BIRC6: variants seen among roughly 807,000 people sequenced by gnomAD.
The protein encoded by BIRC6 is dual E2 ubiquitin-conjugating enzyme/E3 ubiquitin-protein ligase BIRC6.
BIRC6 carries 98 observed loss-of-function variants against 503.3 expected under a neutral mutation model. The observed-to-expected ratio is 0.19, with a 90% CI of 0.17 to 0.23. The LOEUF is 0.23. Among genes scored for constraint, BIRC6 ranks in the 10% least tolerant of loss-of-function variants. The pLI is 1.00. For synonymous variants in BIRC6, 2,240 were observed against 2,078.7 expected (o/e 1.08, Z -2.11); for missense variants, 5,360 against 5,806.0 (o/e 0.92, Z 2.50).
At chr2:32,517,756 G>A (rs936865699) in intron 55 of BIRC6, among the ~76,000 whole-genome samples, 5 of 45,342 alleles carry the variant, frequency 1.1e-4, no homozygotes, top group Admixed American at 8.9e-4. Context: ...TTTTGGTTGG[G>A]GGAGTGGGTA....
intron 19 of BIRC6, 86 bp downstream of exon 19, chr2:32,442,541 C>A: frequency 1.5e-6 from 2 of 1,344,500 alleles, no homozygotes; most frequent in Non-Finnish European, 2.0e-6. Flanking sequence ...GTGATTTGAT[C>A]CTTGTTTAAT....
intron 65 of BIRC6, among the ~76,000 whole-genome samples, chr2:32,560,137 C>A (rs958224322): frequency 6.6e-6 from 1 of 152,230 alleles, no homozygotes; most frequent in African/African-American, 2.4e-5. Context: ...AGCATACTTA[C>A]GTAACTAATG....
chr2:32,434,456 G>A (rs917696698), intron 13 of BIRC6, among the ~76,000 whole-genome samples: 15 of 151,980 alleles, frequency 9.9e-5, no homozygotes, highest in Admixed American at 9.8e-4. Flanking sequence ...TCACATCCCA[G>A]GAGTCAACCA....
chr2:32,511,693 C>G (rs1346868277), intron 53 of BIRC6, among the ~76,000 whole-genome samples: 3 of 151,726 alleles, frequency 2.0e-5, no homozygotes, highest in Admixed American at 6.6e-5. Context: ...TTGGCATTCT[C>G]TGTTTTTATG....
At chr2:32,482,103 T>C (rs182303770) in intron 38 of BIRC6, among the ~76,000 whole-genome samples, 13 of 152,090 alleles carry the variant, frequency 8.5e-5, no homozygotes, top group Non-Finnish European at 1.8e-4. Context: ...TTGCAGAGTC[T>C]ACTTGTATGT....
chr2:32,398,277 C>T (rs1293302134), intron 6 of BIRC6, among the ~76,000 whole-genome samples: 4 of 152,092 alleles, frequency 2.6e-5, no homozygotes, highest in Non-Finnish European at 4.4e-5. Flanking sequence ...AGTTAAAAAT[C>T]GGAATCCTTT....
chr2:32,537,479 A>G (rs565446453), intron 61 of BIRC6, among the ~76,000 whole-genome samples: 16 of 152,162 alleles, frequency 1.1e-4, no homozygotes, highest in Non-Finnish European at 1.5e-4. Context: ...TCAAAATGCT[A>G]GAAGACAACA....
Position 32,503,272 on chromosome 2 carries a change from A to G in BIRC6, c.9499+36A>G, listed in dbSNP as rs370862660. ...TGTTACTAAATCTTACTTATGTGAAATTATCTAGTTTATTAGCTGGTATGA... is the reference window on the plus strand; with the variant it reads ...TGTTACTAAATCTTACTTATGTGAAGTTATCTAGTTTATTAGCTGGTATGA... On this transcript the variant is annotated intron_variant, in intron 49 of 73. Transcript: ENST00000421745. The G allele has an allele frequency of 2.3e-5, 35 of 1,536,998 alleles. No individual in the cohort carries two copies. In the African/African-American group the frequency reaches 4.7e-4, roughly 21 times the overall value.
chr2:32,515,102 A>G lies in BIRC6; in HGVS notation c.10681A>G (p.Met3561Val), dbSNP rs777993297. The G allele has an allele frequency of 4.3e-6, 7 of 1,613,796 alleles. No homozygotes were observed. Among genetic ancestry groups the G allele is most frequent in the African/African-American group, 2.7e-5 (2 of 74,890 alleles). ...ACACCCAAACTATTTTTCTTTGCTC[A>G]TGGGCTGGATGGGAATTACCCCTCC... ...HVHPNYFSLL[M>V]GWMGITPPPV... The change falls in exon 55 of 74, where the codon ATG becomes GTG. Residue 3561 changes from methionine to valine, a missense_variant. Transcript: ENST00000421745.
chr2:32,602,788 T>A lies in BIRC6; in HGVS notation c.13993-218T>A, dbSNP rs989970636. ...TGTGTTGACATATAATAGGTGCTGG[T>A]CTGTTTTGCATTATGAAAAAGTTAT... On this transcript the variant is annotated intron_variant, in intron 70 of 73. Transcript: ENST00000421745. 9 of 456,082 alleles carry A rather than the reference T, an allele frequency of 2.0e-5. No homozygotes were observed. The Admixed American group carries it at 3.6e-4, about 18-fold the overall frequency. 28.3% of individuals were successfully genotyped at this position (456,082 alleles called of 1,614,324 possible).
intron 9 of BIRC6, among the ~76,000 whole-genome samples, chr2:32,409,159 T>G (rs930426893): frequency 6.6e-6 from 1 of 150,628 alleles, no homozygotes; most frequent in African/African-American, 2.4e-5. Flanking sequence ...TGTTTTTTTT[T>G]GTTTTTGTTT....
intron 66 of BIRC6, among the ~76,000 whole-genome samples, chr2:32,589,651 A>G (rs1159974805): frequency 6.6e-6 from 1 of 152,182 alleles, no homozygotes; most frequent in African/African-American, 2.4e-5. Flanking sequence ...GTGGTAAACA[A>G]GTTCAGTTGT....
chr2:32,525,172 TA>T (rs2056153475), intron 58 of BIRC6, among the ~76,000 whole-genome samples, 153 bp downstream of exon 58: 1 of 152,216 alleles, frequency 6.6e-6, no homozygotes, highest in Admixed American at 6.5e-5. Context: ...TTTTTATTTT[TA>T]TTTTTTTTCA....
intron 65 of BIRC6, among the ~76,000 whole-genome samples, chr2:32,574,323 G>T (rs1483505760): frequency 6.6e-6 from 1 of 151,738 alleles, no homozygotes; most frequent in African/African-American, 2.4e-5. Context: ...TTACCATGTT[G>T]CCCAGGCCGG....
At chr2:32,462,302 G>A (rs963545913) in intron 23 of BIRC6, among the ~76,000 whole-genome samples, 24 of 152,296 alleles carry the variant, frequency 1.6e-4, no homozygotes, top group African/African-American at 5.5e-4. Context: ...GTGAAATGAA[G>A]TTTTTATCCC....
chr2:32,474,540 T>A (rs916075589), intron 33 of BIRC6, among the ~76,000 whole-genome samples: 2 of 152,174 alleles, frequency 1.3e-5, no homozygotes, highest in African/African-American at 4.8e-5. Flanking sequence ...GGTGTCAGTA[T>A]TACTTCTCTC....
Position 32,459,942 on chromosome 2 carries a change from AAGT to A in BIRC6, c.4754-3248_4754-3246del, listed in dbSNP as rs2047649044. On this transcript the variant is annotated intron_variant, in intron 23 of 73. Coordinates refer to ENST00000421745, the MANE Select transcript of BIRC6 (RefSeq NM_016252.4). ...GACAGTGCTATATTATTAATTTTAAAAGTAGTTTATAGTTTGCAGTTTCTTAGA... is the reference window on the plus strand; with the variant it reads ...GACAGTGCTATATTATTAATTTTAAAAGTTTATAGTTTGCAGTTTCTTAGA... Among the ~76,000 whole-genome samples the A allele has an allele frequency of 2.0e-5, 3 of 151,138 alleles. No individual in the cohort carries two copies. The South Asian group carries it at 6.2e-4, about 31-fold the overall frequency.
At chr2:32,364,340 A>G in intron 1 of BIRC6, among the ~76,000 whole-genome samples, 1 of 152,092 alleles carries the variant, frequency 6.6e-6, no homozygotes, top group Non-Finnish European at 1.5e-5. Context: ...CCCGGGTTCA[A>G]GCGATTCTCC....
chr2:32,498,599 G>GT (rs1376022923), intron 45 of BIRC6, among the ~76,000 whole-genome samples: 4 of 151,652 alleles, frequency 2.6e-5, no homozygotes, highest in Admixed American at 2.0e-4. Flanking sequence ...GTCTTTGTTT[G>GT]TTTTTTGAAA....
Sources: allele counts gnomAD v4.1 joint callset (sites outside exome capture counted in the v4.1 genomes callset), GRCh38; gene constraint gnomAD v4.1.1; transcripts MANE v1.5; gene names NCBI Gene and HGNC (gene_info 2026-07-23, HGNC 2026-07-21).